Variants in PRR16 observed in about 807,000 individuals in gnomAD.
The protein encoded by PRR16 is proline rich 16, also known as protein Largen.
In PRR16, 6 loss-of-function variants were observed where a neutral mutation model predicts 18.2. That is an observed-to-expected ratio of 0.33 (90% CI 0.18 to 0.65). The LOEUF (loss-of-function observed/expected upper bound fraction) is 0.65. Among genes scored for constraint, PRR16 ranks in the 30% least tolerant of loss-of-function variants. The pLI, the probability that PRR16 is intolerant of heterozygous loss-of-function variation, is 0.74. For synonymous variants in PRR16, 151 were observed against 147.8 expected, an observed-to-expected ratio of 1.02 and a Z score of -0.16; for missense variants, 412 against 376.6, an observed-to-expected ratio of 1.09 and a Z score of -0.78.
At chr5:120,501,741 G>A (rs1466861727) in intron 1 of PRR16, among the ~76,000 whole-genome samples, 1 of 151,858 alleles carries the variant, frequency 6.6e-6, no homozygotes, top group Non-Finnish European at 1.5e-5. Context: ...CAGATCACAA[G>A]GTCAGGAGAC....
At chr5:120,478,100 T>C (rs1388210971) in intron 1 of PRR16, among the ~76,000 whole-genome samples, 1 of 152,182 alleles carries the variant, frequency 6.6e-6, no homozygotes, top group Non-Finnish European at 1.5e-5. Context: ...ATATTTCAAG[T>C]TTCTAGAGCA....
chr5:120,769,447 G>T, the PRR16 span, among the ~76,000 whole-genome samples: 4 of 151,744 alleles, frequency 2.6e-5, no homozygotes, highest in Admixed American at 2.0e-4. Flanking sequence ...TTGTACATCA[G>T]ATCTCTAGCA....
chr5:120,738,571 T>C, the PRR16 span, among the ~76,000 whole-genome samples: 46 of 152,280 alleles, frequency 3.0e-4, no homozygotes, highest in Non-Finnish European at 5.4e-4. Flanking sequence ...TTGCATGTGT[T>C]ACAAAGCCCT....
At chr5:120,575,937 C>T (rs1753062304) in intron 1 of PRR16, among the ~76,000 whole-genome samples, 1 of 152,116 alleles carries the variant, frequency 6.6e-6, no homozygotes, top group African/African-American at 2.4e-5. Context: ...GAAAGAAAAA[C>T]CTCTGCAATA....
intron 1 of PRR16, among the ~76,000 whole-genome samples, chr5:120,609,176 T>C (rs368242834): frequency 6.6e-6 from 1 of 152,176 alleles, no homozygotes; most frequent in Non-Finnish European, 1.5e-5. Flanking sequence ...TATATTGCAT[T>C]ATTAATTTTT....
downstream of PRR16, among the ~76,000 whole-genome samples, chr5:120,688,745 G>A (rs1757175847): frequency 6.6e-6 from 1 of 152,080 alleles, no homozygotes; most frequent in Non-Finnish European, 1.5e-5. Context: ...TTTCGATGTC[G>A]GGGATCCAAG....
At chr5:120,541,446 A>G (rs879691130) in intron 1 of PRR16, among the ~76,000 whole-genome samples, 1 of 152,174 alleles carries the variant, frequency 6.6e-6, no homozygotes, top group Admixed American at 6.5e-5. Flanking sequence ...GTGCCCAGCC[A>G]ATGACTGTTT....
At chr5:120,577,966 G>A (rs968607406) in intron 1 of PRR16, among the ~76,000 whole-genome samples, 2 of 152,112 alleles carry the variant, frequency 1.3e-5, no homozygotes, top group African/African-American at 4.8e-5. Context: ...TCAGACTCAA[G>A]TGGTATGCTA....
chr5:120,720,292 T>G, the PRR16 span, among the ~76,000 whole-genome samples: 9 of 151,998 alleles, frequency 5.9e-5, no homozygotes, highest in Admixed American at 5.9e-4. Flanking sequence ...TTCATCATTC[T>G]TCTTTTTGAA....
chr5:120,791,227 A>C, the PRR16 span, among the ~76,000 whole-genome samples: 1 of 152,040 alleles, frequency 6.6e-6, no homozygotes, highest in Non-Finnish European at 1.5e-5. Flanking sequence ...CTTTTGGTTT[A>C]TTGGCAAGCT....
intron 1 of PRR16, among the ~76,000 whole-genome samples, chr5:120,575,370 A>G (rs1013898161): frequency 6.4e-5 from 9 of 139,546 alleles, no homozygotes; most frequent in Non-Finnish European, 9.5e-5. Flanking sequence ...CTACCAGCCA[A>G]TATCTCTGAT....
intron 1 of PRR16, among the ~76,000 whole-genome samples, chr5:120,616,502 T>C (rs1754516282): frequency 1.3e-5 from 2 of 152,192 alleles, no homozygotes; most frequent in Admixed American, 1.3e-4. Context: ...TGAGGTTGGC[T>C]CAGCCCATTC....
chr5:120,761,167 G>C, the PRR16 span, among the ~76,000 whole-genome samples: 21,103 of 151,900 alleles, frequency 0.14, 2,209 homozygotes, highest in African/African-American at 0.29. Flanking sequence ...TGCTTCATAT[G>C]TATTTTAAGC....
chr5:120,579,701 A>C (rs1039371875), intron 1 of PRR16, among the ~76,000 whole-genome samples: 1 of 152,184 alleles, frequency 6.6e-6, no homozygotes, highest in Admixed American at 6.5e-5. Context: ...ATTTTTGCTT[A>C]GGATTGTCTT....
the PRR16 span, among the ~76,000 whole-genome samples, chr5:120,711,029 CTG>C: frequency 6.6e-6 from 1 of 151,996 alleles, no homozygotes; most frequent in Non-Finnish European, 1.5e-5. Context: ...CAGCAAAAGA[CTG>C]GTTAAGTCTT....
chr5:120,748,277 T>G, the PRR16 span, among the ~76,000 whole-genome samples: 1 of 152,114 alleles, frequency 6.6e-6, no homozygotes, highest in Non-Finnish European at 1.5e-5. Flanking sequence ...TAGACAAGAT[T>G]TGTTAATATC....
chr5:120,530,702 G>T (rs1359257493), intron 1 of PRR16, among the ~76,000 whole-genome samples: 1 of 152,090 alleles, frequency 6.6e-6, no homozygotes, highest in African/African-American at 2.4e-5. Context: ...TAAGGTATAG[G>T]AGATATTGGG....
chr5:120,677,472 GTCT>G, intron 1 of PRR16, among the ~76,000 whole-genome samples: 1 of 152,278 alleles, frequency 6.6e-6, no homozygotes, highest in Non-Finnish European at 1.5e-5. Flanking sequence ...GTATTTACCG[GTCT>G]TCTTCTCTTG....
intron 1 of PRR16, among the ~76,000 whole-genome samples, chr5:120,524,983 A>C (rs1275524839): frequency 4.6e-5 from 7 of 152,126 alleles, no homozygotes; most frequent in Non-Finnish European, 1.0e-4. Context: ...TAGTAAGGTC[A>C]TATGGAGGTT....
Sources: gnomAD v4.1 joint callset for allele counts (sites outside exome capture counted in the v4.1 genomes callset) on GRCh38, gnomAD v4.1.1 for gene constraint, MANE v1.5 for transcripts, NCBI Gene and HGNC (gene_info 2026-07-23, HGNC 2026-07-21) for gene names.